The following DOCK1 variants were observed in gnomAD, a reference collection of about 807,000 sequenced individuals.
DOCK1 encodes the protein dedicator of cytokinesis protein 1.
Under a neutral mutation model 262.7 loss-of-function variants are expected in DOCK1, and 138 were observed. The ratio of observed to expected loss-of-function variants is 0.53; its 90% CI spans 0.46 to 0.61. The LOEUF (loss-of-function observed/expected upper bound fraction) is 0.61. DOCK1 is among the 20% of genes least tolerant of loss of function. The probability of loss-of-function intolerance (pLI) is 0.00; values close to 1 mark genes in which losing one functional copy is unlikely to be tolerated. For synonymous variants in DOCK1, 866 were observed against 867.4 expected (o/e 1.00, Z 0.03); for missense variants, 1,908 against 2,370.7 (o/e 0.80, Z 4.05).
At chr10:127,016,090 A>G (rs949405356) in intron 12 of DOCK1, 2 of 152,218 alleles carry the variant, frequency 1.3e-5, no homozygotes, top group Admixed American at 1.3e-4. Flanking sequence ...TCGCAGTTGC[A>G]TATTTCTCTA....
At chr10:127,131,701 GAAGATCAAGGCAAA>G (rs1477519167) in intron 27 of DOCK1, among the ~76,000 whole-genome samples, 2 of 152,166 alleles carry the variant, frequency 1.3e-5, no homozygotes, top group Non-Finnish European at 2.9e-5. Flanking sequence ...TAGATTAGAG[GAAGATCAAGGCAAA>G]AAGTATCCCT....
At chr10:127,408,309 C>T (rs1393733723) in intron 40 of DOCK1, among the ~76,000 whole-genome samples, 1 of 152,200 alleles carries the variant, frequency 6.6e-6, no homozygotes, top group African/African-American at 2.4e-5. Flanking sequence ...GGACCAAACC[C>T]AGCCCTTCCA....
At chr10:127,032,737 T>C (rs1208099203) in intron 18 of DOCK1, among the ~76,000 whole-genome samples, 1 of 152,066 alleles carries the variant, frequency 6.6e-6, no homozygotes, top group Non-Finnish European at 1.5e-5. Context: ...TTTTATTTTT[T>C]ATAGAGATGA....
chr10:127,147,057 G>T (rs2051938136), intron 27 of DOCK1, among the ~76,000 whole-genome samples: 1 of 152,206 alleles, frequency 6.6e-6, no homozygotes, highest in Admixed American at 6.5e-5. Context: ...TACCAAGAAT[G>T]ATGTGAGAAA....
intron 27 of DOCK1, among the ~76,000 whole-genome samples, chr10:127,196,857 T>C (rs569229275): frequency 6.6e-6 from 1 of 151,556 alleles, no homozygotes; most frequent in Non-Finnish European, 1.5e-5. Context: ...ACTTGTTGAG[T>C]CTACCCTGGA....
At chr10:127,141,905 T>C (rs2051297362) in intron 27 of DOCK1, among the ~76,000 whole-genome samples, 1 of 152,152 alleles carries the variant, frequency 6.6e-6, no homozygotes, top group African/African-American at 2.4e-5. Context: ...CCTGAAACAT[T>C]TTCTGCAAGA....
At chr10:127,373,712 T>C (rs1565036776) in intron 33 of DOCK1, 69 bp from the exon 34 acceptor site, 8 of 1,390,022 alleles carry the variant, frequency 5.8e-6, no homozygotes. Flanking sequence ...TTATGTTCTA[T>C]TGACACTCAA....
At position 127,446,210 on chromosome 10, in the gene DOCK1, A is replaced by C. The variant is rs919501896; in HGVS notation, c.5414-1184A>C. Reference sequence around the variant, plus strand: ...GGTTGCAGTGAGCTGAGATCGCACCACTGCACTCCAGCCTGGGCGACACAG... The same window carrying C: ...GGTTGCAGTGAGCTGAGATCGCACCCCTGCACTCCAGCCTGGGCGACACAG... On this transcript the variant is annotated intron_variant, in intron 50 of 51. Transcript: ENST00000623213. This position sits in a 1 kb window ranked among gnomAD's most constrained non-coding sequence, Gnocchi z 4.4. 1.3e-5 allele frequency among the ~76,000 whole-genome samples: 2 copies of C among 151,932 alleles called. No individual in the cohort carries two copies. Among genetic ancestry groups the C allele is most frequent in the Admixed American group, 6.6e-5 (1 of 15,250 alleles).
chr10:127,343,641 T>C lies in DOCK1; in HGVS notation c.3124-5T>C. ...ACTTAGCATCTCCTCCTTTTTGGTT[T>C]TCAGCTGTGGAACAACTACTTTCAC... On this transcript the variant is annotated splice_polypyrimidine_tract_variant and splice_region_variant and intron_variant, in intron 30 of 51. Transcript: ENST00000623213. 7 of 1,604,468 alleles carry C rather than the reference T, an allele frequency of 4.4e-6. No homozygotes were observed. Among genetic ancestry groups the C allele is most frequent in the Non-Finnish European group, 6.0e-6 (7 of 1,175,492 alleles).
At chr10:127,101,938 T>C (rs2048278937) in intron 23 of DOCK1, among the ~76,000 whole-genome samples, 1 of 151,584 alleles carries the variant, frequency 6.6e-6, no homozygotes, top group African/African-American at 2.4e-5. Context: ...ATGTTTTCTG[T>C]TTTTTTTCAA....
rs1229913147 is a variant in DOCK1 at position 127,175,663 on chromosome 10, G to A, written c.2847+47899G>A. 2 of 1,613,682 alleles carry A rather than the reference G, an allele frequency of 1.2e-6. No homozygotes were observed. The highest frequency in any genetic ancestry group is 8.5e-7 in the Non-Finnish European group (1 of 1,179,978). ...ACCTCCGTTTTAAACACCCTCCTGA[G>A]GGCAGGTGGAGCGGGCTCCTCGGAG... On this transcript the variant is annotated intron_variant, in intron 27 of 51. Coordinates refer to ENST00000623213, the MANE Select transcript of DOCK1 (RefSeq NM_001290223.2). The surrounding 1 kb of genome is among the most constrained non-coding windows in gnomAD (Gnocchi z 6.3).
At chr10:127,412,539 C>T (rs928720386) in intron 43 of DOCK1, among the ~76,000 whole-genome samples, 3 of 152,198 alleles carry the variant, frequency 2.0e-5, no homozygotes, top group African/African-American at 4.8e-5. Context: ...CAAGGAGGAC[C>T]GGCTCTGCTG....
chr10:127,436,899 A>T (rs2069724387), intron 48 of DOCK1, among the ~76,000 whole-genome samples: 1 of 151,928 alleles, frequency 6.6e-6, no homozygotes, highest in African/African-American at 2.4e-5. Context: ...TGTACCTTGC[A>T]CTTGGTTGAT....
In DOCK1 at chr10:127,446,438, A is replaced by G. The variant is rs2070562433; in HGVS notation, c.5414-956A>G. On this transcript the variant is annotated intron_variant, in intron 50 of 51. Transcript: ENST00000623213. This position sits in a 1 kb window ranked among gnomAD's most constrained non-coding sequence, Gnocchi z 4.4. Reference sequence around the variant, plus strand: ...ATTAATGCCACCAAATTGTCCCCTAAAGGATGGCTAAAATGGCAAATTTTA... The same window carrying G: ...ATTAATGCCACCAAATTGTCCCCTAGAGGATGGCTAAAATGGCAAATTTTA... Among the ~76,000 whole-genome samples the G allele has an allele frequency of 6.6e-6, 1 of 152,116 alleles. No homozygotes were observed. Among genetic ancestry groups the G allele is most frequent in the Non-Finnish European group, 1.5e-5 (1 of 68,006 alleles).
chr10:127,360,416 C>G (rs2064358357), intron 32 of DOCK1, among the ~76,000 whole-genome samples: 2 of 152,350 alleles, frequency 1.3e-5, no homozygotes, highest in African/African-American at 4.8e-5. Context: ...CTGCTCTGCC[C>G]AGTCGCCAGA....
intron 23 of DOCK1, among the ~76,000 whole-genome samples, chr10:127,066,901 G>A (rs543650200): frequency 1.2e-4 from 18 of 152,320 alleles, no homozygotes; most frequent in Admixed American, 9.8e-4. Flanking sequence ...TTAAACCCTG[G>A]TTGGCTAGTT....
At position 127,248,089 on chromosome 10, in the gene DOCK1, A is replaced by G; in HGVS notation, c.2929A>G (p.Lys977Glu). The G allele has an allele frequency of 3.7e-6, 6 of 1,613,976 alleles. No individual in the cohort carries two copies. The highest frequency in any genetic ancestry group is 5.1e-6 in the Non-Finnish European group (6 of 1,179,860). The change falls in exon 28 of 52, where the codon AAA becomes GAA. Residue 977 changes from lysine (K) to glutamate (E), a missense_variant. Physicochemically the swap from Lys to Glu is moderately conservative, Grantham distance 56 (BLOSUM62 1). Transcript: ENST00000623213. ...TGCCCACTTGATCAAGACTTTTGGG[A>G]AAATGAGGACTGATGTGGTAGTAAG... ...HYAHLIKTFG[K>E]MRTDVVDFLM...
At chr10:127,015,440 G>A (rs2041798513) in intron 12 of DOCK1, among the ~76,000 whole-genome samples, 1 of 152,134 alleles carries the variant, frequency 6.6e-6, no homozygotes, top group East Asian at 1.9e-4. Flanking sequence ...TATCTCTGAG[G>A]TCTCTGTCCC....
chr10:127,188,675 T>C (rs1251144497), intron 27 of DOCK1, among the ~76,000 whole-genome samples: 3 of 152,162 alleles, frequency 2.0e-5, no homozygotes, highest in African/African-American at 7.2e-5. Context: ...GTTCTGGCCC[T>C]TCCCCTCCAC....
Sources: allele counts gnomAD v4.1 joint callset (sites outside exome capture counted in the v4.1 genomes callset), GRCh38; gene constraint gnomAD v4.1.1; non-coding constraint Gnocchi (gnomAD v3.1); transcripts MANE v1.5; gene names NCBI Gene and HGNC (gene_info 2026-07-23, HGNC 2026-07-21).